Variants in MTUS2 observed in about 807,000 individuals in gnomAD.
The protein encoded by MTUS2 is microtubule associated scaffold protein 2, also known as microtubule-associated tumor suppressor candidate 2.
In MTUS2, 40 loss-of-function variants were observed where a neutral mutation model predicts 114.1. That is an observed-to-expected ratio of 0.35 (90% CI 0.27 to 0.46). The LOEUF (loss-of-function observed/expected upper bound fraction) is 0.46. Ranked by LOEUF, MTUS2 falls within the 20% of genes least tolerant of loss-of-function variation. MTUS2 has a pLI of 1.00. For synonymous variants in MTUS2, 688 were observed against 672.0 expected, an observed-to-expected ratio of 1.02 and a Z score of -0.37; for missense variants, 1,679 against 1,705.4, an observed-to-expected ratio of 0.98 and a Z score of 0.27.
At chr13:29,137,902 C>T (rs1260654537) in intron 5 of MTUS2, among the ~76,000 whole-genome samples, 1 of 151,874 alleles carries the variant, frequency 6.6e-6, no homozygotes, top group Non-Finnish European at 1.5e-5. Context: ...TGTCTACCTC[C>T]CAAAAGAGAA....
At chr13:29,154,642 A>G (rs1458050922) in intron 5 of MTUS2, among the ~76,000 whole-genome samples, 1 of 152,236 alleles carries the variant, frequency 6.6e-6, no homozygotes, top group South Asian at 2.1e-4. Flanking sequence ...AGGAGAATCA[A>G]TGCAGGAAAA....
At chr13:29,412,819 G>A (rs2138555414) in intron 8 of MTUS2, among the ~76,000 whole-genome samples, 1 of 152,238 alleles carries the variant, frequency 6.6e-6, no homozygotes, top group Non-Finnish European at 1.5e-5. Flanking sequence ...TTGAGCCCAG[G>A]AGTTCAAGGT....
At chr13:29,348,997 A>T (rs1189464048) in intron 7 of MTUS2, among the ~76,000 whole-genome samples, 2 of 152,144 alleles carry the variant, frequency 1.3e-5, no homozygotes, top group African/African-American at 4.8e-5. Flanking sequence ...ATCCAATCTG[A>T]AATCTCCGGC....
intron 2 of MTUS2, among the ~76,000 whole-genome samples, chr13:29,019,119 A>C (rs535540941): frequency 1.3e-5 from 2 of 152,106 alleles, no homozygotes; most frequent in African/African-American, 4.8e-5. Flanking sequence ...TTATTTTTTC[A>C]TGAGAGGCAA....
intron 2 of MTUS2, among the ~76,000 whole-genome samples, chr13:28,953,526 T>C (rs1166822655): frequency 2.0e-5 from 3 of 152,232 alleles, no homozygotes; most frequent in Non-Finnish European, 4.4e-5. Context: ...TCTATTGATA[T>C]CAGCATTTTA....
At chr13:29,441,372 G>A (rs1177005842) in intron 9 of MTUS2, among the ~76,000 whole-genome samples, 1 of 152,232 alleles carries the variant, frequency 6.6e-6, no homozygotes, top group African/African-American at 2.4e-5. Flanking sequence ...GCAGACGCTT[G>A]CTGGAGAAGT....
At chr13:28,977,711 G>C (rs1884179036) in intron 2 of MTUS2, among the ~76,000 whole-genome samples, 1 of 151,966 alleles carries the variant, frequency 6.6e-6, no homozygotes, top group South Asian at 2.1e-4. Flanking sequence ...CCCTTCACTG[G>C]GGTGAAGACA....
chr13:29,465,881 C>T (rs1246372067), intron 9 of MTUS2, among the ~76,000 whole-genome samples: 3 of 152,246 alleles, frequency 2.0e-5, no homozygotes, highest in Non-Finnish European at 2.9e-5. Context: ...TTAGAACAGT[C>T]TGCCTGCTGG....
At position 29,025,069 on chromosome 13, in the gene MTUS2, C is replaced by T. The variant is rs745418801; in HGVS notation, c.371C>T (p.Thr124Met). The T allele has an allele frequency of 7.4e-6, 12 of 1,613,790 alleles. No individual in the cohort carries two copies. The highest frequency in any genetic ancestry group is 6.7e-5 in the East Asian group (3 of 44,888). The change falls in exon 3 of 16, where the codon ACG becomes ATG. Residue 124 changes from threonine to methionine, a missense_variant. Coordinates refer to ENST00000612955, the MANE Select transcript of MTUS2 (RefSeq NM_001033602.4). The part of the protein sequence containing the change: ...VERGTDSLQT[T>M]RSIQGPSLSS... ...AGAGGCACAGATAGCCTGCAGACCA[C>T]GCGGAGTATTCAGGGACCAAGTCTG...
intron 2 of MTUS2, among the ~76,000 whole-genome samples, chr13:28,946,850 G>A (rs1882559684): frequency 6.6e-6 from 1 of 152,070 alleles, no homozygotes; most frequent in Non-Finnish European, 1.5e-5. Flanking sequence ...CACCTGACCA[G>A]TCACCAGTTT....
intron 5 of MTUS2, among the ~76,000 whole-genome samples, chr13:29,205,849 G>C (rs938373191): frequency 6.6e-6 from 1 of 152,078 alleles, no homozygotes; most frequent in African/African-American, 2.4e-5. Flanking sequence ...TTGCAATTGC[G>C]AATTCTGCTG....
chr13:29,213,938 A>AT lies in MTUS2; in HGVS notation c.2645-67757dup, dbSNP rs753284474. ...TTGGCACTGAATAGTTTATGATTCC[A>AT]TTTTTTTTTGTTCATGTATTAGCTA... On this transcript the variant is annotated intron_variant, in intron 5 of 15. Transcript: ENST00000612955. Among the ~76,000 whole-genome samples, 276 of 137,892 alleles carry AT rather than the reference A, an allele frequency of 2.0e-3. 4 individuals carry two copies. In the East Asian group the frequency reaches 0.04, roughly 20 times the overall value. 90.5% of individuals were successfully genotyped at this position (137,892 alleles called of 152,430 possible).
rs774560075 is a variant in MTUS2, at chr13:29,492,687, G to A, written c.3547G>A (p.Glu1183Lys). The change falls in exon 12 of 16, where the codon GAA (glutamate) becomes AAA (lysine). Residue 1183 changes from glutamate (E) to lysine (K), a missense_variant. Transcript: ENST00000612955. ...THELEKKELE[E>K]NFEKLRLSLQ... is the part of the protein sequence containing the mutation. ...TGAGCTTGAAAAGAAAGAATTGGAA[G>A]AAAATTTTGAAAAACTGCGGCTGTC... 11 of 1,613,564 alleles carry A rather than the reference G, an allele frequency of 6.8e-6. No individual in the cohort carries two copies. The highest frequency in any genetic ancestry group is 7.6e-6 in the Non-Finnish European group (9 of 1,179,718).
intron 4 of MTUS2, among the ~76,000 whole-genome samples, chr13:29,074,051 A>T (rs1889070231): frequency 6.6e-6 from 1 of 151,864 alleles, no homozygotes; most frequent in South Asian, 2.1e-4. Flanking sequence ...CTCCCAACTG[A>T]TTTCCCTGTC....
At chr13:28,844,135 T>A (rs772060364) in intron 2 of MTUS2, among the ~76,000 whole-genome samples, 12 of 152,226 alleles carry the variant, frequency 7.9e-5, no homozygotes, top group Non-Finnish European at 8.8e-5. Flanking sequence ...CCTCTCCTTG[T>A]AGAAGCACTG....
intron 6 of MTUS2, among the ~76,000 whole-genome samples, chr13:29,314,819 C>T (rs1275621195): frequency 1.3e-5 from 2 of 152,140 alleles, no homozygotes; most frequent in Non-Finnish European, 2.9e-5. Context: ...AGTTCTACTA[C>T]TGGGTATATA....
intron 4 of MTUS2, among the ~76,000 whole-genome samples, chr13:29,079,546 A>G (rs1252466479): frequency 6.6e-6 from 1 of 152,122 alleles, no homozygotes; most frequent in African/African-American, 2.4e-5. Context: ...TAGTTTTTTC[A>G]CACACCTTGA....
At chr13:29,038,813 C>T (rs1426140394) in intron 4 of MTUS2, among the ~76,000 whole-genome samples, 2 of 152,230 alleles carry the variant, frequency 1.3e-5, no homozygotes, top group African/African-American at 2.4e-5. Context: ...CCGCCCAGCT[C>T]GAACTTTCTG....
chr13:29,428,309 C>T (rs1212438999), intron 8 of MTUS2, among the ~76,000 whole-genome samples: 1 of 152,268 alleles, frequency 6.6e-6, no homozygotes, highest in Non-Finnish European at 1.5e-5. Context: ...AGGATTGCAG[C>T]AGAGCCAAGC....
Sources: gnomAD v4.1 joint callset for allele counts (sites outside exome capture counted in the v4.1 genomes callset) on GRCh38, gnomAD v4.1.1 for gene constraint, MANE v1.5 for transcripts, NCBI Gene and HGNC (gene_info 2026-07-23, HGNC 2026-07-21) for gene names.